Variants in BTBD17 observed in about 807,000 individuals in gnomAD.
The protein encoded by BTBD17 is BTB/POZ domain-containing protein 17.
BTBD17 carries 26 observed loss-of-function variants against 36.9 expected under a neutral mutation model. The ratio of observed to expected loss-of-function variants is 0.70; its 90% CI spans 0.52 to 0.98. BTBD17 has a LOEUF of 0.98. Among genes scored for constraint, BTBD17 ranks in the 50% least tolerant of loss-of-function variants. The pLI is 0.00. For synonymous variants in BTBD17, 341 were observed against 338.0 expected, an observed-to-expected ratio of 1.01 and a Z score of -0.10; for missense variants, 630 against 691.3, an observed-to-expected ratio of 0.91 and a Z score of 0.99.
chr17:74,356,509 A>G lies in BTBD17; in HGVS notation c.*148T>C. 8.0e-7 allele frequency: 1 copy of G among 1,255,074 alleles called. No homozygotes were observed. Among genetic ancestry groups the G allele is most frequent in the Non-Finnish European group, 1.0e-6 (1 of 984,508 alleles). 77.7% of individuals were successfully genotyped at this position (1,255,074 alleles called of 1,614,324 possible). On this transcript the variant is annotated 3_prime_UTR_variant, in exon 3 of 3. Coordinates refer to ENST00000375366, the MANE Select transcript of BTBD17 (RefSeq NM_001080466.2). The surrounding 1 kb of genome is among the most constrained non-coding windows in gnomAD (Gnocchi z 4.3). ...CTTGAAACCAGGCATCTTGTCTACC[A>G]CGCCTCACCTGGACTCCACCCCAGC...
At position 74,357,647 on chromosome 17, in the gene BTBD17, G is replaced by C. The variant is rs1301414405; in HGVS notation, c.447C>G (p.Ser149=). ...HRLATKYGVS[S]LQRGVADYMR... ...TGTAGTCGGCCACGCCGCGCTGCAG[G>C]GAGGACACGCCGTACTTGGTGGCCA... The change falls in exon 3 of 3, where the codon TCC becomes TCG. Residue 149 remains serine, a synonymous_variant. Transcript: ENST00000375366. This position sits in a 1 kb window ranked among gnomAD's most constrained non-coding sequence, Gnocchi z 8.4. 1.2e-5 allele frequency: 19 copies of C among 1,550,504 alleles called. No individual in the cohort carries two copies. The highest frequency in any genetic ancestry group is 1.7e-5 in the Non-Finnish European group (19 of 1,149,180).
chr17:74,360,475 G>T (rs2054930977), intron 1 of BTBD17, among the ~76,000 whole-genome samples: 1 of 152,226 alleles, frequency 6.6e-6, no homozygotes, highest in African/African-American at 2.4e-5. Flanking sequence ...CAAACCCCAA[G>T]AGGATGCTCT....
At chr17:74,362,730 T>C (rs1398544028), upstream of BTBD17, among the ~76,000 whole-genome samples, 3 of 152,200 alleles carry the variant, frequency 2.0e-5, no homozygotes, top group East Asian at 5.8e-4. Context: ...GGTCTCTGGG[T>C]TCACCTCCTT....
At chr17:74,359,914 G>T in intron 2 of BTBD17, 55 bp downstream of exon 2, 1 of 1,558,366 alleles carries the variant, frequency 6.4e-7, no homozygotes. Context: ...TGTAGGTGGA[G>T]GAGCCGGGGG....
In BTBD17 at chr17:74,361,799, G is replaced by T. The variant is rs1193069283; in HGVS notation, c.21C>A (p.Ser7=). 1 of 1,613,870 alleles carries T rather than the reference G, an allele frequency of 6.2e-7. No individual in the cohort carries two copies. The highest frequency in any genetic ancestry group is 1.1e-5 in the South Asian group (1 of 91,042). The change falls in exon 1 of 3, where the codon TCC becomes TCA. Residue 7 remains serine, a synonymous_variant. Coordinates refer to ENST00000375366, the MANE Select transcript of BTBD17 (RefSeq NM_001080466.2). ...AGAAGCTGCCCCAGGACCCAGGCTT[G>T]GAGTAGCCTCTCCTAGGCATCTTTA... The part of the protein sequence containing the change: MPRRGY[S]KPGSWGSFWA...
At chr17:74,359,482 G>GGTTCAA (rs1251226389) in intron 2 of BTBD17, among the ~76,000 whole-genome samples, 3 of 152,110 alleles carry the variant, frequency 2.0e-5, no homozygotes, top group African/African-American at 7.2e-5. Context: ...CTGCCTCCCA[G>GGTTCAA]GTTCAAGCCA....
At chr17:74,358,244 A>T (rs188340138) in intron 2 of BTBD17, among the ~76,000 whole-genome samples, 23 of 152,278 alleles carry the variant, frequency 1.5e-4, no homozygotes, top group African/African-American at 5.3e-4. Context: ...GAATCTCAGC[A>T]CTTTGGAAGG....
In BTBD17 at chr17:74,357,276, G is replaced by T; in HGVS notation, c.818C>A (p.Ala273Glu). ...AQLFQLQARSAALARHGPAVA... is the reference protein window; with the variant it reads ...AQLFQLQARSEALARHGPAVA... ...CGCGGGGCCGTGGCGCGCCAGGGCT[G>T]CCGAGCGCGCCTGCAGCTGGAACAG... Residue 273 changes from alanine to glutamate, a missense_variant, in exon 3 of 3, where the codon GCA becomes GAA. Ala to Glu is a moderately radical substitution (Grantham distance 107). Coordinates refer to ENST00000375366, the MANE Select transcript of BTBD17 (RefSeq NM_001080466.2). The surrounding 1 kb of genome is among the most constrained non-coding windows in gnomAD (Gnocchi z 8.4). 6.4e-7 allele frequency: 1 copy of T among 1,557,484 alleles called. No homozygotes were observed. Among genetic ancestry groups the T allele is most frequent in the South Asian group, 1.2e-5 (1 of 85,156 alleles).
At position 74,357,342 on chromosome 17, in the gene BTBD17, G is replaced by T. The variant is rs752160937; in HGVS notation, c.752C>A (p.Ala251Glu). The T allele has an allele frequency of 1.3e-6, 2 of 1,550,638 alleles. No homozygotes were observed. The highest frequency in any genetic ancestry group is 8.6e-7 in the Non-Finnish European group (1 of 1,156,238). ...ARPPPAVAERALRAIRYPMIP... is the reference protein window; with the variant it reads ...ARPPPAVAERELRAIRYPMIP... ...CATGGGGTAGCGTATGGCGCGCAGC[G>T]CCCGCTCGGCCACGGCAGGGGGCGG... The change falls in exon 3 of 3, where the codon GCG (alanine) becomes GAG (glutamate). Residue 251 changes from alanine (A) to glutamate (E), a missense_variant. Physicochemically the swap from Ala to Glu is moderately radical, Grantham distance 107. Coordinates refer to ENST00000375366, the MANE Select transcript of BTBD17 (RefSeq NM_001080466.2). The surrounding 1 kb of genome is among the most constrained non-coding windows in gnomAD (Gnocchi z 8.4).
chr17:74,357,839 C>T lies in BTBD17; in HGVS notation c.363-108G>A. 2.3e-6 allele frequency: 2 copies of T among 866,186 alleles called. No homozygotes were observed. The highest frequency in any genetic ancestry group is 3.4e-6 in the Non-Finnish European group (2 of 586,080). The allele number at this position is 866,186 out of a possible 1,614,324, so 53.7% of individuals were successfully genotyped here. On this transcript the variant is annotated intron_variant, in intron 2 of 2. Transcript: ENST00000375366. This position sits in a 1 kb window ranked among gnomAD's most constrained non-coding sequence, Gnocchi z 8.4. ...CGGCCTGGAGTTGGAGCTTCACTGT[C>T]CGGGTGCAAACACAGTGGAAGCCCC...
chr17:74,360,893 G>A (rs2054933643), intron 1 of BTBD17, among the ~76,000 whole-genome samples: 1 of 152,214 alleles, frequency 6.6e-6, no homozygotes, highest in Admixed American at 6.5e-5. Context: ...GAACGGAATG[G>A]GCCTGGGGTA....
chr17:74,356,496 C>A lies in BTBD17; in HGVS notation c.*161G>T. On this transcript the variant is annotated 3_prime_UTR_variant, in exon 3 of 3. Coordinates refer to ENST00000375366, the MANE Select transcript of BTBD17 (RefSeq NM_001080466.2). The surrounding 1 kb of genome is among the most constrained non-coding windows in gnomAD (Gnocchi z 4.3). ...TGTGAAATCAGCTCTTGAAACCAGGCATCTTGTCTACCACGCCTCACCTGG... is the reference window on the plus strand; with the variant it reads ...TGTGAAATCAGCTCTTGAAACCAGGAATCTTGTCTACCACGCCTCACCTGG... 1 of 1,161,022 alleles carries A rather than the reference C, an allele frequency of 8.6e-7. No homozygotes were observed. The highest frequency in any genetic ancestry group is 1.1e-6 in the Non-Finnish European group (1 of 906,072). 71.9% of individuals were successfully genotyped at this position (1,161,022 alleles called of 1,614,324 possible). A position where few individuals can be genotyped will look rare whatever the true frequency, so the allele number is the denominator to read the frequency against.
chr17:74,362,666 G>C (rs1217809336), upstream of BTBD17, among the ~76,000 whole-genome samples: 1 of 152,236 alleles, frequency 6.6e-6, no homozygotes, highest in Non-Finnish European at 1.5e-5. Flanking sequence ...CAAGGCTGGG[G>C]ACTGTCTGCC....
intron 2 of BTBD17, among the ~76,000 whole-genome samples, chr17:74,358,785 C>T (rs1392379577): frequency 6.6e-6 from 1 of 152,174 alleles, no homozygotes; most frequent in Non-Finnish European, 1.5e-5. Flanking sequence ...TGCCAGCCAT[C>T]TTCCCCAACG....
At position 74,361,746 on chromosome 17, in the gene BTBD17, A is replaced by T. The variant is rs775558693; in HGVS notation, c.74T>A (p.Val25Asp). 6.2e-7 allele frequency: 1 copy of T among 1,613,428 alleles called. No homozygotes were observed. The highest frequency in any genetic ancestry group is 2.2e-5 in the East Asian group (1 of 44,852). ...CACTGCCCGCTCACCTGCATGGGTG[A>T]CCAGGCCCACCAAGGTCAGCATGGC... ...FWAMLTLVGLVTHAAQRADVG... is the reference protein window; with the variant it reads ...FWAMLTLVGLDTHAAQRADVG... Residue 25 changes from valine (V) to aspartate (D), a missense_variant, in exon 1 of 3, where the codon GTC becomes GAC. Val to Asp is a radical substitution (Grantham distance 152). Transcript: ENST00000375366.
chr17:74,360,385 A>G (rs999226354), intron 1 of BTBD17, 140 bp from the exon 2 acceptor site: 16 of 841,492 alleles, frequency 1.9e-5, no homozygotes, highest in Non-Finnish European at 2.7e-5. Flanking sequence ...TTGTATGTGC[A>G]TACCTGTTTG....
Position 74,356,492 on chromosome 17 carries a change from C to A in BTBD17, c.*165G>T. The A allele has an allele frequency of 8.7e-7, 1 of 1,145,768 alleles. No homozygotes were observed. The highest frequency in any genetic ancestry group is 3.4e-5 in the South Asian group (1 of 29,172). The allele number at this position is 1,145,768 out of a possible 1,614,324, so 71.0% of individuals were successfully genotyped here. A position where few individuals can be genotyped will look rare whatever the true frequency, so the allele number is the denominator to read the frequency against. Reference sequence around the variant, plus strand: ...CAGCTGTGAAATCAGCTCTTGAAACCAGGCATCTTGTCTACCACGCCTCAC... The same window carrying A: ...CAGCTGTGAAATCAGCTCTTGAAACAAGGCATCTTGTCTACCACGCCTCAC... On this transcript the variant is annotated 3_prime_UTR_variant, in exon 3 of 3. Transcript: ENST00000375366. The surrounding 1 kb of genome is among the most constrained non-coding windows in gnomAD (Gnocchi z 4.3).
chr17:74,361,757 C>G lies in BTBD17; in HGVS notation c.63G>C (p.Leu21Phe). The change falls in exon 1 of 3, where the codon TTG (leucine) becomes TTC (phenylalanine). Residue 21 changes from leucine to phenylalanine, a missense_variant. By Grantham distance (22) the Leu-to-Phe change is conservative. Coordinates refer to ENST00000375366, the MANE Select transcript of BTBD17 (RefSeq NM_001080466.2). ...SWGSFWAMLT[L>F]VGLVTHAAQR... Reference sequence around the variant, plus strand: ...CACCTGCATGGGTGACCAGGCCCACCAAGGTCAGCATGGCCCAGAAGCTGC... The same window carrying G: ...CACCTGCATGGGTGACCAGGCCCACGAAGGTCAGCATGGCCCAGAAGCTGC... The G allele has an allele frequency of 1.2e-6, 2 of 1,613,804 alleles. No homozygotes were observed. The highest frequency in any genetic ancestry group is 1.7e-6 in the Non-Finnish European group (2 of 1,179,894).
At chr17:74,360,335 T>C (rs1049345153) in intron 1 of BTBD17, 90 bp from the exon 2 acceptor site, 50 of 1,380,412 alleles carry the variant, frequency 3.6e-5, no homozygotes, top group Middle Eastern at 5.1e-4. Flanking sequence ...TGGAGACATA[T>C]GCATGGGTGT....
Sources: allele counts gnomAD v4.1 joint callset (sites outside exome capture counted in the v4.1 genomes callset), GRCh38; gene constraint gnomAD v4.1.1; non-coding constraint Gnocchi (gnomAD v3.1); transcripts MANE v1.5; gene names NCBI Gene and HGNC (gene_info 2026-07-23, HGNC 2026-07-21).